CACNA1C: variants seen among roughly 807,000 people sequenced by gnomAD.
The protein encoded by CACNA1C is voltage-dependent L-type calcium channel subunit alpha-1C.
A neutral mutation model predicts 229.0 loss-of-function variants in CACNA1C; 30 were observed. The ratio of observed to expected loss-of-function variants is 0.13; its 90% CI spans 0.10 to 0.18. The LOEUF (loss-of-function observed/expected upper bound fraction) is 0.18, where lower values mean the gene tolerates loss of function less well. Among genes scored for constraint, CACNA1C ranks in the 10% least tolerant of loss-of-function variants. CACNA1C has a pLI of 1.00. For synonymous variants in CACNA1C, 1,114 were observed against 1,132.5 expected (o/e 0.98, Z 0.33); for missense variants, 1,658 against 2,845.0 (o/e 0.58, Z 9.49).
intron 5 of CACNA1C, among the ~76,000 whole-genome samples, chr12:2,482,755 C>T (rs940670546): frequency 1.3e-5 from 2 of 152,142 alleles, no homozygotes; most frequent in African/African-American, 2.4e-5. Flanking sequence ...GCCTGTTTCT[C>T]GGACAGATAA....
intron 3 of CACNA1C, among the ~76,000 whole-genome samples, chr12:2,309,788 C>A (rs1472177768): frequency 6.6e-6 from 1 of 152,216 alleles, no homozygotes; most frequent in Non-Finnish European, 1.5e-5. Context: ...ACAGATATGG[C>A]CCCTGCCTTC....
chr12:2,579,299 C>T lies in CACNA1C; in HGVS notation c.1896-2291C>T, dbSNP rs1049073160. 1.1e-4 allele frequency among the ~76,000 whole-genome samples: 16 copies of T among 152,264 alleles called. No homozygotes were observed. In the East Asian group the frequency reaches 2.3e-3, roughly 22 times the overall value. ...TCCAGAATCTTCCATGACAGTTGAGCGCACAGAGGATCTCTAGAGGATTTG... is the reference window on the plus strand; with the variant it reads ...TCCAGAATCTTCCATGACAGTTGAGTGCACAGAGGATCTCTAGAGGATTTG... On this transcript the variant is annotated intron_variant, in intron 13 of 46. Coordinates refer to ENST00000399655, the MANE Select transcript of CACNA1C (RefSeq NM_000719.7).
chr12:2,448,355 A>G (rs1003445496), intron 3 of CACNA1C, among the ~76,000 whole-genome samples: 3 of 152,218 alleles, frequency 2.0e-5, no homozygotes, highest in African/African-American at 7.2e-5. Context: ...GTCTTTGGAC[A>G]GAAGGTTTTA....
intron 1 of CACNA1C, among the ~76,000 whole-genome samples, chr12:2,061,110 G>A (rs2057317077): frequency 1.3e-5 from 2 of 149,040 alleles, no homozygotes; most frequent in Admixed American, 1.3e-4. Context: ...TTCTCTGAGA[G>A]TTCAGAAGGA....
chr12:1,976,224 T>A (rs976670498), intron 1 of CACNA1C, among the ~76,000 whole-genome samples: 31 of 152,206 alleles, frequency 2.0e-4, no homozygotes, highest in Non-Finnish European at 4.4e-5. Flanking sequence ...AGTAGACGTA[T>A]AACCCTTTAT....
chr12:2,088,256 G>A (rs1348359687), intron 1 of CACNA1C, among the ~76,000 whole-genome samples: 1 of 152,206 alleles, frequency 6.6e-6, no homozygotes. Context: ...CCTAGAAATA[G>A]CTCTTTAAAT....
intron 3 of CACNA1C, among the ~76,000 whole-genome samples, chr12:2,253,824 T>C (rs1373732952): frequency 6.6e-6 from 1 of 152,224 alleles, no homozygotes; most frequent in East Asian, 1.9e-4. Flanking sequence ...ATTTCTTCTA[T>C]CTCATTGGGA....
chr12:2,467,029 T>C lies in CACNA1C; in HGVS notation c.757+9323T>C, dbSNP rs2099556125. 1.3e-5 allele frequency among the ~76,000 whole-genome samples: 2 copies of C among 152,184 alleles called. No individual in the cohort carries two copies. The highest frequency in any genetic ancestry group is 4.1e-4 in the South Asian group (2 of 4,830). The stretch of plus-strand genomic sequence containing the variant: ...CCCTTAAACAACATGAGGGGACACT[T>C]ACAAAGCTACTTATGAGGACAGGGG... On this transcript the variant is annotated intron_variant, in intron 5 of 46. Transcript: ENST00000399655. This position sits in a 1 kb window ranked among gnomAD's most constrained non-coding sequence, Gnocchi z 4.6.
At chr12:2,495,347 T>G (rs1348816629) in intron 7 of CACNA1C, among the ~76,000 whole-genome samples, 1 of 152,206 alleles carries the variant, frequency 6.6e-6, no homozygotes, top group Non-Finnish European at 1.5e-5. Context: ...ATAGGATAAA[T>G]GATTGTGTGG....
At chr12:2,143,032 A>G (rs1258478094) in intron 3 of CACNA1C, among the ~76,000 whole-genome samples, 1 of 150,620 alleles carries the variant, frequency 6.6e-6, no homozygotes, top group Admixed American at 6.7e-5. Flanking sequence ...CTGGAGTGCA[A>G]TGGTGCTATC....
Position 2,608,063 on chromosome 12 carries a change from TGTGA to T in CACNA1C, c.3357-444_3357-441del, listed in dbSNP as rs2076148229. 6.3e-6 allele frequency: 1 copy of T among 158,486 alleles called. No individual in the cohort carries two copies. The highest frequency in any genetic ancestry group is 1.9e-4 in the South Asian group (1 of 5,158). The allele number at this position is 158,486 out of a possible 1,614,324, so 9.8% of individuals were successfully genotyped here. A position where few individuals can be genotyped will look rare whatever the true frequency, so the allele number is the denominator to read the frequency against. ...GTGATGATCGGAGTAGCATGGGTCA[TGTGA>T]GTGTTTTTATCTAAGTGGATATTTG... On this transcript the variant is annotated intron_variant, in intron 26 of 46. Coordinates refer to ENST00000399655, the MANE Select transcript of CACNA1C (RefSeq NM_000719.7). The surrounding 1 kb of genome is among the most constrained non-coding windows in gnomAD (Gnocchi z 4.2).
intron 43 of CACNA1C, among the ~76,000 whole-genome samples, 179 bp downstream of exon 43, chr12:2,682,857 A>AC (rs375605186): frequency 0.022 from 14 of 630 alleles, 1 homozygote; most frequent in Admixed American, 0.067. Context: ...CCCAACACAC[A>AC]ACACACACAA....
At chr12:2,317,648 T>C (rs1225623255) in intron 3 of CACNA1C, among the ~76,000 whole-genome samples, 1 of 152,252 alleles carries the variant, frequency 6.6e-6, no homozygotes, top group Non-Finnish European at 1.5e-5. Flanking sequence ...TTAATGTATT[T>C]TCCCACAATT....
At chr12:2,239,915 A>G (rs2239035) in intron 3 of CACNA1C, among the ~76,000 whole-genome samples, 2 of 152,190 alleles carry the variant, frequency 1.3e-5, no homozygotes, top group African/African-American at 4.8e-5. Context: ...GGGAAATGTC[A>G]TAAAGGGTCC....
intron 3 of CACNA1C, among the ~76,000 whole-genome samples, chr12:2,232,298 A>G (rs1174792308): frequency 6.9e-6 from 1 of 144,198 alleles, no homozygotes; most frequent in African/African-American, 2.6e-5. Context: ...CTTTTGAAGA[A>G]TCCGGGTCAG....
chr12:2,113,585 G>A (rs1456121435), intron 1 of CACNA1C, among the ~76,000 whole-genome samples: 2 of 152,204 alleles, frequency 1.3e-5, no homozygotes, highest in African/African-American at 4.8e-5. Context: ...TGTGCAACTG[G>A]TCTGGCTGCT....
rs3085990 is a variant in CACNA1C, at chr12:2,067,481, T to TGTATGTGC, written c.49+13871_49+13872insTATGTGCG. Among the ~76,000 whole-genome samples the TGTATGTGC allele has an allele frequency of 2.1e-4, 30 of 140,892 alleles. No homozygotes were observed. The highest frequency in any genetic ancestry group is 7.1e-4 in the African/African-American group (26 of 36,762). The allele number at this position is 140,892 out of a possible 152,430, so 92.4% of individuals were successfully genotyped here. On this transcript the variant is annotated intron_variant, in intron 1 of 46. Transcript: ENST00000399655. This position sits in a 1 kb window ranked among gnomAD's most constrained non-coding sequence, Gnocchi z 5.3. Reference sequence around the variant, plus strand: ...GTGTGTGTGTGTGTGTGTGTGTGTGTGCGCGCGTGTGCGTGCCTGTATGTA... The same window carrying TGTATGTGC: ...GTGTGTGTGTGTGTGTGTGTGTGTGTGTATGTGCGCGCGCGTGTGCGTGCCTGTATGTA...
chr12:2,441,008 GT>G (rs1224209866), intron 3 of CACNA1C, among the ~76,000 whole-genome samples: 3 of 152,256 alleles, frequency 2.0e-5, no homozygotes, highest in African/African-American at 7.2e-5. Flanking sequence ...GGAAATGCAT[GT>G]AGAGGTCGGG....
intron 39 of CACNA1C, 51 bp downstream of exon 39, chr12:2,674,693 C>G (rs908226392): frequency 4.1e-6 from 6 of 1,464,000 alleles, no homozygotes; most frequent in East Asian, 2.5e-5. Context: ...GCCGTGCCCC[C>G]CTCTGCCTGC....
Sources: gnomAD v4.1 joint callset for allele counts (sites outside exome capture counted in the v4.1 genomes callset) on GRCh38, gnomAD v4.1.1 for gene constraint, Gnocchi (gnomAD v3.1) non-coding constraint, MANE v1.5 for transcripts, NCBI Gene and HGNC (gene_info 2026-07-23, HGNC 2026-07-21) for gene names.